Variants in NTM observed in about 807,000 individuals in gnomAD.
NTM encodes the protein neurotrimin.
NTM carries 13 observed loss-of-function variants against 42.1 expected under a neutral mutation model. The observed-to-expected ratio is 0.31, with a 90% CI of 0.20 to 0.49. The LOEUF (loss-of-function observed/expected upper bound fraction) is 0.49. NTM is among the 20% of genes least tolerant of loss of function. The probability of loss-of-function intolerance (pLI) is 0.99; values close to 1 mark genes in which losing one functional copy is unlikely to be tolerated. For missense variants in NTM, 373 were observed against 452.8 expected (o/e 0.82, Z 1.60); for synonymous variants, 187 against 179.2 (o/e 1.04, Z -0.35).
intron 4 of NTM, among the ~76,000 whole-genome samples, chr11:132,305,059 A>G (rs1410430329): frequency 1.3e-5 from 2 of 152,180 alleles, no homozygotes; most frequent in Non-Finnish European, 2.9e-5. Flanking sequence ...TGTGGCACCC[A>G]TGTCCCCACA....
chr11:131,483,105 G>A (rs1183660088), intron 1 of NTM, among the ~76,000 whole-genome samples: 1 of 152,180 alleles, frequency 6.6e-6, no homozygotes, highest in Non-Finnish European at 1.5e-5. Flanking sequence ...CCTCAACACT[G>A]GGTCATATGG....
At chr11:131,830,633 G>T (rs2042705909) in intron 1 of NTM, among the ~76,000 whole-genome samples, 1 of 152,126 alleles carries the variant, frequency 6.6e-6, no homozygotes, top group South Asian at 2.1e-4. Context: ...TATTGCTTAG[G>T]ATTGCTTTGG....
intron 1 of NTM, among the ~76,000 whole-genome samples, chr11:131,852,490 G>A (rs2045661052): frequency 6.6e-6 from 1 of 152,048 alleles, no homozygotes; most frequent in African/African-American, 2.4e-5. Flanking sequence ...TTTCCTTAAG[G>A]AGTAGAGTAA....
At chr11:132,024,792 C>A (rs982233071) in intron 2 of NTM, among the ~76,000 whole-genome samples, 2 of 152,178 alleles carry the variant, frequency 1.3e-5, no homozygotes, top group African/African-American at 4.8e-5. Flanking sequence ...CTTTCACTTG[C>A]ATATTAGCCT....
chr11:132,125,285 TTGTGTG>T (rs57511761), intron 2 of NTM, among the ~76,000 whole-genome samples: 10 of 149,560 alleles, frequency 6.7e-5, no homozygotes, highest in South Asian at 4.2e-4. Context: ...TGGTGTGTGT[TTGTGTG>T]TGTGTGTGTG....
intron 1 of NTM, among the ~76,000 whole-genome samples, chr11:131,850,363 T>C (rs529455860): frequency 6.6e-6 from 1 of 152,156 alleles, no homozygotes; most frequent in Non-Finnish European, 1.5e-5. Context: ...TCTCTTTGCC[T>C]TCCCCACTTC....
chr11:132,042,517 T>C (rs909520591), intron 2 of NTM, among the ~76,000 whole-genome samples: 3 of 152,226 alleles, frequency 2.0e-5, no homozygotes, highest in Admixed American at 6.5e-5. Flanking sequence ...AATGAGTGCC[T>C]TTAATGCTAT....
chr11:131,741,870 C>T (rs749634878), intron 1 of NTM, among the ~76,000 whole-genome samples: 8 of 152,132 alleles, frequency 5.3e-5, no homozygotes, highest in Non-Finnish European at 1.0e-4. Context: ...GTGGTACATA[C>T]GCACCATAGA....
intron 1 of NTM, among the ~76,000 whole-genome samples, chr11:131,825,433 G>C (rs1360264715): frequency 2.0e-5 from 3 of 152,146 alleles, no homozygotes; most frequent in Admixed American, 2.0e-4. Flanking sequence ...CTGGGATGAG[G>C]CTGGATATGA....
At chr11:131,406,369 A>T (rs1404177936) in intron 1 of NTM, among the ~76,000 whole-genome samples, 1 of 152,352 alleles carries the variant, frequency 6.6e-6, no homozygotes, top group African/African-American at 2.4e-5. Flanking sequence ...TTTAGTGGCC[A>T]TATTAAAATC....
chr11:131,549,489 C>T (rs2054367980), intron 1 of NTM, among the ~76,000 whole-genome samples: 1 of 152,110 alleles, frequency 6.6e-6, no homozygotes, highest in Non-Finnish European at 1.5e-5. Context: ...ATGTGGGGCA[C>T]TAAACTAAAT....
chr11:131,536,630 C>A (rs1451449165), intron 1 of NTM: 1 of 152,198 alleles, frequency 6.6e-6, no homozygotes, highest in African/African-American at 2.4e-5. Context: ...ACCTGCTACT[C>A]ATCCATCAAT....
intron 1 of NTM, among the ~76,000 whole-genome samples, chr11:131,593,047 C>G (rs771468237): frequency 2.0e-5 from 3 of 152,226 alleles, no homozygotes; most frequent in Non-Finnish European, 4.4e-5. Context: ...AAGTGTCAAG[C>G]AGTTGCCCTT....
At chr11:131,874,030 A>AATATAATATAATATATAT (rs1491528420) in intron 1 of NTM, among the ~76,000 whole-genome samples, 1 of 76,632 alleles carries the variant, frequency 1.3e-5, no homozygotes, top group African/African-American at 3.7e-5. Context: ...AATATAATAT[A>AATATAATATAATATATAT]ATATATATAT....
intron 2 of NTM, among the ~76,000 whole-genome samples, chr11:132,127,727 G>A (rs1159685364): frequency 2.0e-5 from 3 of 152,202 alleles, no homozygotes; most frequent in Admixed American, 6.5e-5. Flanking sequence ...TCTGCTCTCC[G>A]ATTTATTGCC....
At chr11:132,121,662 A>G (rs2064849057) in intron 2 of NTM, among the ~76,000 whole-genome samples, 1 of 152,084 alleles carries the variant, frequency 6.6e-6, no homozygotes, top group South Asian at 2.1e-4. Context: ...CTTTCCCATG[A>G]GTCATTTGTG....
At chr11:132,214,435 G>C (rs374877120) in intron 4 of NTM, among the ~76,000 whole-genome samples, 53 of 151,920 alleles carry the variant, frequency 3.5e-4, no homozygotes, top group African/African-American at 1.1e-3. Flanking sequence ...TCCTTTTCTG[G>C]GTGTTTCTTC....
At chr11:131,740,738 G>A (rs753579107) in intron 1 of NTM, among the ~76,000 whole-genome samples, 4 of 152,190 alleles carry the variant, frequency 2.6e-5, no homozygotes, top group Admixed American at 6.5e-5. Context: ...GAGTCAGTGG[G>A]CTGTGAAAAG....
intron 3 of NTM, among the ~76,000 whole-genome samples, chr11:132,163,350 C>T (rs556216296): frequency 3.6e-4 from 54 of 152,106 alleles, no homozygotes; most frequent in African/African-American, 1.2e-3. Context: ...CTCATGTCGT[C>T]GAACTTTTAG....
Sources: gnomAD v4.1 joint callset for allele counts (sites outside exome capture counted in the v4.1 genomes callset) on GRCh38, gnomAD v4.1.1 for gene constraint, MANE v1.5 for transcripts, NCBI Gene and HGNC (gene_info 2026-07-23, HGNC 2026-07-21) for gene names.